The following MAGI2 variants were observed in gnomAD, a reference collection of about 807,000 sequenced individuals.
MAGI2 encodes the protein membrane-associated guanylate kinase, WW and PDZ domain-containing protein 2.
A neutral mutation model predicts 133.3 loss-of-function variants in MAGI2; 35 were observed. The ratio of observed to expected loss-of-function variants is 0.26; its 90% CI spans 0.20 to 0.35. MAGI2 has a LOEUF of 0.35. Among genes scored for constraint, MAGI2 ranks in the 10% least tolerant of loss-of-function variants. The pLI, the probability that MAGI2 is intolerant of heterozygous loss-of-function variation, is 1.00. For synonymous variants in MAGI2, 729 were observed against 710.6 expected (o/e 1.03, Z -0.41); for missense variants, 1,636 against 1,863.4 (o/e 0.88, Z 2.25).
At chr7:78,592,356 T>C (rs1804098463) in intron 3 of MAGI2, among the ~76,000 whole-genome samples, 1 of 146,456 alleles carries the variant, frequency 6.8e-6, no homozygotes, top group Non-Finnish European at 1.5e-5. Context: ...TTTTTTTTCC[T>C]GTAAAGGACC....
intron 2 of MAGI2, among the ~76,000 whole-genome samples, chr7:78,666,925 T>C (rs986526195): frequency 2.0e-5 from 3 of 152,296 alleles, no homozygotes; most frequent in South Asian, 2.1e-4. Context: ...CCATTCTTTA[T>C]GAAATGTGAT....
At chr7:78,924,405 G>C (rs567823986) in intron 2 of MAGI2, among the ~76,000 whole-genome samples, 2 of 152,238 alleles carry the variant, frequency 1.3e-5, no homozygotes, top group African/African-American at 4.8e-5. Flanking sequence ...TTACCATGAA[G>C]TGTTGTTGAA....
intron 1 of MAGI2, among the ~76,000 whole-genome samples, chr7:79,059,362 T>C (rs1022629332): frequency 9.2e-5 from 14 of 152,060 alleles, no homozygotes; most frequent in Non-Finnish European, 1.8e-4. Flanking sequence ...TCAGTAAATA[T>C]TTTTGCTGAG....
intron 3 of MAGI2, among the ~76,000 whole-genome samples, chr7:78,576,884 A>C (rs2150794297): frequency 6.6e-6 from 1 of 152,242 alleles, no homozygotes; most frequent in Non-Finnish European, 1.5e-5. Context: ...GTATTACTTG[A>C]AGACAGGAGT....
chr7:78,989,962 T>C (rs1805606051), intron 2 of MAGI2, among the ~76,000 whole-genome samples: 1 of 152,090 alleles, frequency 6.6e-6, no homozygotes, highest in African/African-American at 2.4e-5. Context: ...CCAAATTGGG[T>C]AGAATTCCAG....
intron 1 of MAGI2, among the ~76,000 whole-genome samples, chr7:79,108,908 T>C (rs1818671813): frequency 6.6e-6 from 1 of 152,148 alleles, no homozygotes; most frequent in Admixed American, 6.5e-5. Context: ...CTATTCTCTC[T>C]TTGGCTCCTG....
chr7:78,078,445 C>A, intron 21 of MAGI2: 1 of 160,524 alleles, frequency 6.2e-6, no homozygotes, highest in Non-Finnish European at 1.4e-5. Context: ...TCCTAAATGT[C>A]AAAGAAATGC....
chr7:78,060,486 TC>T (rs1813127820), intron 21 of MAGI2, among the ~76,000 whole-genome samples: 1 of 152,236 alleles, frequency 6.6e-6, no homozygotes, highest in Non-Finnish European at 1.5e-5. Flanking sequence ...GTTCCTGGCT[TC>T]AAGGAGTTTG....
At chr7:78,239,726 G>C (rs1175055096) in intron 10 of MAGI2, among the ~76,000 whole-genome samples, 2 of 152,320 alleles carry the variant, frequency 1.3e-5, no homozygotes, top group East Asian at 3.9e-4. Flanking sequence ...GCTCCTGTTA[G>C]AATAGTTATT....
At chr7:79,434,155 G>GA (rs1847980184) in intron 1 of MAGI2, among the ~76,000 whole-genome samples, 1 of 151,048 alleles carries the variant, frequency 6.6e-6, no homozygotes, top group South Asian at 2.1e-4. Context: ...TCCCAATAAA[G>GA]AAAATCTCTT....
intron 2 of MAGI2, among the ~76,000 whole-genome samples, chr7:78,781,380 C>CAAAAA (rs748533885): frequency 2.2e-4 from 22 of 100,938 alleles, no homozygotes; most frequent in South Asian, 3.3e-4. Context: ...CTCCGTCTCA[C>CAAAAA]AAAAAAAAAA....
At chr7:78,565,964 A>G (rs1394746858) in intron 3 of MAGI2, among the ~76,000 whole-genome samples, 6 of 152,210 alleles carry the variant, frequency 3.9e-5, no homozygotes, top group Non-Finnish European at 2.9e-5. Context: ...AGTCATCTGT[A>G]AAATGAGGAT....
chr7:78,796,682 C>T (rs559272920), intron 2 of MAGI2, among the ~76,000 whole-genome samples: 2 of 152,224 alleles, frequency 1.3e-5, no homozygotes, highest in South Asian at 4.1e-4. Flanking sequence ...TCTGCACTCC[C>T]ATGTTTATTG....
rs377377816 is a variant in MAGI2, at chr7:78,019,800, T to C, written c.3883A>G (p.Arg1295Gly). ...CAGGCTGAAAGCTCCTTTGGTTTCCTAACGTCGTGTTCCCGTTTGATATCC... is the reference window on the plus strand; with the variant it reads ...CAGGCTGAAAGCTCCTTTGGTTTCCCAACGTCGTGTTCCCGTTTGATATCC... ...TWDIKREHDV[R>G]KPKELSACGQ... is the part of the protein sequence containing the mutation. Residue 1295 changes from arginine to glycine, a missense_variant, in exon 22 of 22, where the codon AGG becomes GGG. Arg to Gly is a moderately radical substitution (Grantham distance 125). Around this residue, in one of 5 missense-constraint regions of MAGI2, gnomAD observed 354 missense variants for 298.7 expected, o/e 1.19. Transcript: ENST00000354212. The C allele has an allele frequency of 1.2e-6, 2 of 1,613,222 alleles. No homozygotes were observed. The highest frequency in any genetic ancestry group is 1.7e-6 in the Non-Finnish European group (2 of 1,179,892).
intron 2 of MAGI2, among the ~76,000 whole-genome samples, chr7:78,709,299 A>T (rs1216765012): frequency 1.4e-5 from 2 of 142,818 alleles, no homozygotes; most frequent in Non-Finnish European, 3.0e-5. Context: ...CCCACTCCAC[A>T]CACACCTCCC....
intron 6 of MAGI2, among the ~76,000 whole-genome samples, chr7:78,415,206 A>T (rs1445118543): frequency 6.6e-6 from 1 of 152,054 alleles, no homozygotes; most frequent in Non-Finnish European, 1.5e-5. Flanking sequence ...TTCATAATTA[A>T]TTGATTTGGT....
intron 1 of MAGI2, among the ~76,000 whole-genome samples, chr7:79,328,292 A>C (rs1010604160): frequency 8.5e-5 from 13 of 152,154 alleles, no homozygotes; most frequent in Admixed American, 2.6e-4. Flanking sequence ...TGTCTTACTT[A>C]TCTTTCCTGT....
chr7:78,351,594 T>A (rs1223575696), intron 7 of MAGI2, among the ~76,000 whole-genome samples: 1 of 151,920 alleles, frequency 6.6e-6, no homozygotes, highest in Non-Finnish European at 1.5e-5. Flanking sequence ...GTGGATTTCA[T>A]CATTGCTTGG....
chr7:79,113,811 T>C (rs377398988), intron 1 of MAGI2, among the ~76,000 whole-genome samples: 2 of 148,990 alleles, frequency 1.3e-5, no homozygotes, highest in East Asian at 2.0e-4. Context: ...TACACACGCT[T>C]ACACACACAC....
Sources: allele counts gnomAD v4.1 joint callset (sites outside exome capture counted in the v4.1 genomes callset), GRCh38; gene constraint gnomAD v4.1.1; regional missense constraint gnomAD v4.1.1; transcripts MANE v1.5; gene names NCBI Gene and HGNC (gene_info 2026-07-23, HGNC 2026-07-21).